The following THTPA variants were observed in gnomAD, a reference collection of about 807,000 sequenced individuals.
THTPA encodes the protein thiamine-triphosphatase.
In THTPA, 16 loss-of-function variants were observed where a neutral mutation model predicts 16.5. The observed-to-expected ratio is 0.97, with a 90% CI of 0.66 to 1.47. The LOEUF (loss-of-function observed/expected upper bound fraction) is 1.47, where lower values mean the gene tolerates loss of function less well. Ranked by LOEUF, THTPA falls within the 40% of genes most tolerant of loss-of-function variation. The pLI is 0.00. For missense variants in THTPA, 281 were observed against 280.9 expected (o/e 1.00, Z 0.00); for synonymous variants, 110 against 115.5 (o/e 0.95, Z 0.30).
chr14:23,532,740 C>A, the THTPA span: 1 of 1,536,030 alleles, frequency 6.5e-7, no homozygotes. Context: ...ATGGCTCCAC[C>A]CCCCTCCCGC....
chr14:23,522,913 G>C, the THTPA span: 2 of 1,461,658 alleles, frequency 1.4e-6, no homozygotes, highest in Admixed American at 5.0e-5. Flanking sequence ...AAGTGGCGAG[G>C]CCGAGGAGGC....
At chr14:23,535,518 G>GTC in the THTPA span, 1 of 487,346 alleles carries the variant, frequency 2.1e-6, no homozygotes, top group Non-Finnish European at 3.4e-6. The surrounding 1 kb of genome is among the most constrained non-coding windows in gnomAD (Gnocchi z 4.5). Flanking sequence ...TTCACTTAGT[G>GTC]TCTAACATGC....
chr14:23,549,466 C>A, the THTPA span, among the ~76,000 whole-genome samples: 1 of 152,130 alleles, frequency 6.6e-6, no homozygotes, highest in Non-Finnish European at 1.5e-5. Context: ...TTTATCCACC[C>A]TTACTGTTCT....
intron 1 of THTPA, 68 bp downstream of exon 1, chr14:23,557,372 A>G: frequency 6.9e-7 from 1 of 1,450,044 alleles, no homozygotes; most frequent in Non-Finnish European, 9.0e-7. Context: ...CACCTGCTGG[A>G]CCATGCAGTG....
chr14:23,522,827 T>C, the THTPA span: 1 of 1,535,002 alleles, frequency 6.5e-7, no homozygotes, highest in Non-Finnish European at 8.7e-7. Flanking sequence ...GGTGTTGGTT[T>C]GGTCGGGCAT....
the THTPA span, among the ~76,000 whole-genome samples, chr14:23,550,510 CA>C: frequency 6.6e-6 from 1 of 152,142 alleles, no homozygotes; most frequent in Admixed American, 6.5e-5. Context: ...GAGACAGTGA[CA>C]TACAGATCCA....
At chr14:23,513,276 C>T in the THTPA span, 1 of 152,446 alleles carries the variant, frequency 6.6e-6, no homozygotes, top group Non-Finnish European at 1.5e-5. Context: ...GCCCGCCCGC[C>T]TACCCACCCA....
chr14:23,531,273 C>T, the THTPA span: 1 of 626,066 alleles, frequency 1.6e-6, no homozygotes, highest in Non-Finnish European at 2.3e-6. Flanking sequence ...AAAGCCCCTG[C>T]CCTTCTTTGC....
chr14:23,536,758 C>T, the THTPA span, among the ~76,000 whole-genome samples: 1 of 152,120 alleles, frequency 6.6e-6, no homozygotes, highest in South Asian at 2.1e-4. Context: ...CTGAGTAAAC[C>T]CCAAAGTTGT....
the THTPA span, chr14:23,522,688 T>G: frequency 3.5e-5 from 54 of 1,536,452 alleles, no homozygotes; most frequent in Non-Finnish European, 4.3e-5. Context: ...TCTTCAATGC[T>G]TTGAGGTTCT....
chr14:23,521,874 G>A, the THTPA span: 7 of 1,505,462 alleles, frequency 4.6e-6, no homozygotes, highest in Non-Finnish European at 6.2e-6. Context: ...AGGGGGTGGG[G>A]TGAGGGATTT....
In THTPA at chr14:23,557,047, G is replaced by T. The variant is rs935758233; in HGVS notation, c.290G>T (p.Arg97Leu). Residue 97 changes from arginine (R) to leucine (L), a missense_variant, in exon 1 of 2, where the codon CGG (arginine) becomes CTG (leucine). Physicochemically the swap from Arg to Leu is moderately radical, Grantham distance 102. Transcript: ENST00000288014. ...GTGGCCCAACTCTGTAAGGTGCTGC[G>T]GGCTGACGGCCTGGGGGCTGGAGAT... ...TIVAQLCKVLRADGLGAGDVA... is the reference protein window; with the variant it reads ...TIVAQLCKVLLADGLGAGDVA... The T allele has an allele frequency of 4.3e-6, 7 of 1,614,114 alleles. No individual in the cohort carries two copies. The African/African-American group carries it at 9.3e-5, about 22-fold the overall frequency.
chr14:23,526,954 G>A, the THTPA span: 1 of 1,524,732 alleles, frequency 6.6e-7, no homozygotes, highest in South Asian at 1.2e-5. Context: ...GGTTGTAAAT[G>A]TCATTTCTAC....
chr14:23,526,027 G>A, the THTPA span: 10 of 1,535,908 alleles, frequency 6.5e-6, no homozygotes, highest in Non-Finnish European at 8.7e-6. Context: ...TCTTCTCAGT[G>A]CCCACCTCCC....
chr14:23,524,062 C>T, the THTPA span: 5 of 1,519,340 alleles, frequency 3.3e-6, no homozygotes, highest in Non-Finnish European at 3.5e-6. This position sits in a 1 kb window ranked among gnomAD's most constrained non-coding sequence, Gnocchi z 5.6. Flanking sequence ...GTGCTTCCCT[C>T]TTTGGGGCTT....
chr14:23,527,513 T>C, the THTPA span: 2 of 1,475,034 alleles, frequency 1.4e-6, no homozygotes, highest in Admixed American at 2.0e-5. Context: ...CCCCAACACA[T>C]GCACCTGCCT....
Position 23,558,867 on chromosome 14 carries a change from G to A in THTPA, c.*27G>A. On this transcript the variant is annotated 3_prime_UTR_variant, in exon 2 of 2. Coordinates refer to ENST00000288014, the MANE Select transcript of THTPA (RefSeq NM_024328.6). ...GGTGTCACTTCCTAGAAGGGGAAGG[G>A]AACTCTGGGTCTAACGGAGTCCACT... 2 of 1,613,136 alleles carry A rather than the reference G, an allele frequency of 1.2e-6. No homozygotes were observed. Among genetic ancestry groups the A allele is most frequent in the Non-Finnish European group, 1.7e-6 (2 of 1,179,634 alleles).
At chr14:23,541,180 A>G in the THTPA span, among the ~76,000 whole-genome samples, 8 of 151,908 alleles carry the variant, frequency 5.3e-5, no homozygotes, top group Admixed American at 4.6e-4. Flanking sequence ...TGCTGGGATT[A>G]CAGGTGTGAG....
the THTPA span, among the ~76,000 whole-genome samples, chr14:23,517,510 A>T: frequency 2.6e-5 from 4 of 152,114 alleles, no homozygotes; most frequent in African/African-American, 4.8e-5. Flanking sequence ...CATGGCTTAT[A>T]AGTTTCTGAC....
Sources: allele counts gnomAD v4.1 joint callset (sites outside exome capture counted in the v4.1 genomes callset), GRCh38; gene constraint gnomAD v4.1.1; non-coding constraint Gnocchi (gnomAD v3.1); transcripts MANE v1.5; gene names NCBI Gene and HGNC (gene_info 2026-07-23, HGNC 2026-07-21).